The following VIPR2 variants were observed in gnomAD, a reference collection of about 807,000 sequenced individuals.
VIPR2 encodes vasoactive intestinal polypeptide receptor 2.
Under a neutral mutation model 58.0 loss-of-function variants are expected in VIPR2, and 48 were observed. The observed-to-expected ratio is 0.83, with a 90% CI of 0.66 to 1.05. The LOEUF is 1.05. VIPR2 is among the 50% of genes least tolerant of loss of function. VIPR2 has a pLI of 0.00. For missense variants in VIPR2, 534 were observed against 558.0 expected (o/e 0.96, Z 0.43); for synonymous variants, 243 against 235.2 (o/e 1.03, Z -0.30).
intron 2 of VIPR2, among the ~76,000 whole-genome samples, chr7:159,131,067 T>C (rs1404731388): frequency 6.6e-6 from 1 of 152,000 alleles, no homozygotes; most frequent in Non-Finnish European, 1.5e-5. Context: ...ACGTAGATAA[T>C]GGGGTGGTCT....
In VIPR2 at chr7:159,144,833, T is replaced by G; in HGVS notation, c.-62A>C. 2.5e-6 allele frequency: 3 copies of G among 1,213,876 alleles called. No homozygotes were observed. The highest frequency in any genetic ancestry group is 3.1e-6 in the Non-Finnish European group (3 of 972,544). The allele number at this position is 1,213,876 out of a possible 1,614,324, so 75.2% of individuals were successfully genotyped here. On this transcript the variant is annotated 5_prime_UTR_variant, in exon 1 of 13. Transcript: ENST00000262178. ...CCGCCTCCGTCCTAGGTCCCCGCGG[T>G]TCCGCCGCCTCCAGCATGGGCCGGG...
chr7:159,082,701 GGTA>G (rs1856973132), intron 4 of VIPR2, among the ~76,000 whole-genome samples: 1 of 152,180 alleles, frequency 6.6e-6, no homozygotes, highest in Non-Finnish European at 1.5e-5. Flanking sequence ...GGGTTTCTAA[GGTA>G]GTAGAATAGG....
rs762435762 is a variant in VIPR2 at position 159,036,789 on chromosome 7, A to AG, written c.710dup (p.Arg238Ter). On this transcript the variant is annotated frameshift_variant, in exon 7 of 13. Transcript: ENST00000262178. LOFTEE classifies it high-confidence loss of function. ...GGAGGTAGGCCAGGAAGCACCTTCT[A>AG]GGGGGGAGCATGGCCACCAGGAGGG... The AG allele has an allele frequency of 4.3e-6, 7 of 1,613,474 alleles. No individual in the cohort carries two copies. The highest frequency in any genetic ancestry group is 4.5e-5 in the East Asian group (2 of 44,870).
intron 2 of VIPR2, among the ~76,000 whole-genome samples, chr7:159,118,628 C>T: frequency 6.6e-6 from 1 of 152,234 alleles, no homozygotes; most frequent in East Asian, 1.9e-4. Flanking sequence ...CTCCACTAGC[C>T]CCTCTCTTCC....
chr7:159,088,831 G>T (rs190810591), intron 4 of VIPR2, among the ~76,000 whole-genome samples: 99 of 128,960 alleles, frequency 7.7e-4, no homozygotes, highest in Middle Eastern at 5.0e-3. Context: ...TCCTCATCTG[G>T]GGAATGGGAA....
intron 4 of VIPR2, among the ~76,000 whole-genome samples, chr7:159,088,309 C>T (rs1857295526): frequency 6.6e-6 from 1 of 152,174 alleles, no homozygotes; most frequent in Admixed American, 6.5e-5. Context: ...ATACCCACTG[C>T]AGCACACCTG....
Position 159,072,135 on chromosome 7 carries a change from A to G in VIPR2, c.358-13557T>C, listed in dbSNP as rs557986390. Among the ~76,000 whole-genome samples, 7 of 147,938 alleles carry G rather than the reference A, an allele frequency of 4.7e-5. No homozygotes were observed. In the South Asian group the frequency reaches 1.3e-3, roughly 27 times the overall value. ...GGTACCGGCAGGTAAGAAAACATAC[A>G]TCACTAGACTGGCAACAAAAATAAA... On this transcript the variant is annotated intron_variant, in intron 4 of 12. Coordinates refer to ENST00000262178, the MANE Select transcript of VIPR2 (RefSeq NM_003382.5).
chr7:159,120,605 C>T (rs1455038785), intron 2 of VIPR2, among the ~76,000 whole-genome samples: 1 of 152,194 alleles, frequency 6.6e-6, no homozygotes, highest in Non-Finnish European at 1.5e-5. Context: ...TAATCTCTGC[C>T]CGCTGGGAAC....
intron 4 of VIPR2, among the ~76,000 whole-genome samples, chr7:159,068,432 G>C (rs1225098848): frequency 6.6e-6 from 1 of 152,234 alleles, no homozygotes; most frequent in South Asian, 2.1e-4. Context: ...CAGCAGCCGT[G>C]ACCCATTTCT....
chr7:159,036,920 A>G lies in VIPR2; in HGVS notation c.598-18T>C. 6.2e-7 allele frequency: 1 copy of G among 1,606,224 alleles called. No homozygotes were observed. Among genetic ancestry groups the G allele is most frequent in the Non-Finnish European group, 8.5e-7 (1 of 1,174,644 alleles). On this transcript the variant is annotated intron_variant, in intron 6 of 12. Transcript: ENST00000262178. The stretch of plus-strand genomic sequence containing the variant: ...CAGCCCACCTGGAAACCGCAAACAG[A>G]GGAGAGGAAAGCATGACCTCATCCG...
intron 4 of VIPR2, 65 bp from the exon 5 acceptor site, chr7:159,058,643 T>A: frequency 2.4e-6 from 3 of 1,240,038 alleles, no homozygotes; most frequent in Non-Finnish European, 3.6e-6. Flanking sequence ...ACAGGAATGG[T>A]TCCAGGATCC....
chr7:159,140,789 C>T (rs1183820639), intron 2 of VIPR2, among the ~76,000 whole-genome samples: 1 of 152,218 alleles, frequency 6.6e-6, no homozygotes, highest in African/African-American at 2.4e-5. Flanking sequence ...ACGGACTGCC[C>T]ACTGAGGGGG....
chr7:159,132,523 T>C (rs1796962718), intron 2 of VIPR2, among the ~76,000 whole-genome samples: 1 of 152,242 alleles, frequency 6.6e-6, no homozygotes, highest in Non-Finnish European at 1.5e-5. Context: ...TTCATCAGAA[T>C]CCATGGAGTC....
In VIPR2 at chr7:159,031,871, T is replaced by C; in HGVS notation, c.1102-2A>G. ...GTAGAGGACGGCCACCACCAGGCCC[T>C]GCAATGAGAAGAGATGGTCAGGCAG... On this transcript the variant is annotated splice_acceptor_variant, in intron 11 of 12. Transcript: ENST00000262178. LOFTEE classifies it high-confidence loss of function. This position sits in a 1 kb window ranked among gnomAD's most constrained non-coding sequence, Gnocchi z 4.0. 6.2e-7 allele frequency: 1 copy of C among 1,614,018 alleles called. No homozygotes were observed. The highest frequency in any genetic ancestry group is 8.5e-7 in the Non-Finnish European group (1 of 1,180,018).
chr7:159,040,909 C>T (rs1854286752), intron 6 of VIPR2, among the ~76,000 whole-genome samples: 1 of 152,198 alleles, frequency 6.6e-6, no homozygotes. Context: ...CTGTCACATG[C>T]TTTTCCCTTT....
chr7:159,068,512 C>T (rs1164729797), intron 4 of VIPR2, among the ~76,000 whole-genome samples: 2 of 152,198 alleles, frequency 1.3e-5, no homozygotes, highest in South Asian at 2.1e-4. Flanking sequence ...TGTTCCACAG[C>T]GTGTGTGTTT....
At chr7:159,048,213 T>A (rs996035178) in intron 5 of VIPR2, among the ~76,000 whole-genome samples, 1 of 152,226 alleles carries the variant, frequency 6.6e-6, no homozygotes, top group African/African-American at 2.4e-5. Flanking sequence ...CCCTTGGAAT[T>A]TGACATTAGT....
chr7:159,122,414 A>G (rs1332306660), intron 2 of VIPR2, among the ~76,000 whole-genome samples: 1 of 152,158 alleles, frequency 6.6e-6, no homozygotes, highest in Non-Finnish European at 1.5e-5. Context: ...TGGGGTCTGG[A>G]CGTCATCTCC....
chr7:159,140,512 T>G (rs547226584), intron 2 of VIPR2, among the ~76,000 whole-genome samples: 206 of 152,358 alleles, frequency 1.4e-3, no homozygotes, highest in South Asian at 6.6e-3. Context: ...GGGCAGTGTC[T>G]TGTTACCAAG....
Sources: allele counts gnomAD v4.1 joint callset (sites outside exome capture counted in the v4.1 genomes callset), GRCh38; gene constraint gnomAD v4.1.1; non-coding constraint Gnocchi (gnomAD v3.1); transcripts MANE v1.5; gene names NCBI Gene and HGNC (gene_info 2026-07-23, HGNC 2026-07-21).